Variants in ACBD5 observed in about 807,000 individuals in gnomAD.
ACBD5 encodes acyl-CoA binding domain containing 5, also known as acyl-CoA-binding domain-containing protein 5.
ACBD5 carries 40 observed loss-of-function variants against 71.8 expected under a neutral mutation model. The observed-to-expected ratio is 0.56, with a 90% CI of 0.43 to 0.72. The LOEUF (loss-of-function observed/expected upper bound fraction) is 0.72, where lower values mean the gene tolerates loss of function less well. ACBD5 is among the 30% of genes least tolerant of loss of function. The pLI, the probability that ACBD5 is intolerant of heterozygous loss-of-function variation, is 0.00. For synonymous variants in ACBD5, 229 were observed against 218.6 expected (o/e 1.05, Z -0.42); for missense variants, 559 against 644.5 (o/e 0.87, Z 1.44).
intron 11 of ACBD5, 74 bp downstream of exon 11, chr10:27,205,124 A>G (rs1394545953): frequency 4.1e-6 from 6 of 1,467,692 alleles, no homozygotes; most frequent in Non-Finnish European, 5.6e-6. Context: ...GAGACTCCGT[A>G]TCAAACAAAA....
chr10:27,193,093 CCTCT>C (rs1026138204), downstream of ACBD5, among the ~76,000 whole-genome samples: 24 of 133,160 alleles, frequency 1.8e-4, no homozygotes, highest in Middle Eastern at 3.6e-3. Flanking sequence ...TCCCTCCCTT[CCTCT>C]CTCTCTTTCC....
chr10:27,199,043 A>T (rs2136542673), intron 12 of ACBD5, among the ~76,000 whole-genome samples: 1 of 151,858 alleles, frequency 6.6e-6, no homozygotes, highest in African/African-American at 2.4e-5. Context: ...TGGGAGGCGG[A>T]GGTTGCAGTG....
rs2065404088 is a variant in ACBD5, at chr10:27,240,778, C to T, written c.-90G>A. 2 of 1,536,920 alleles carry T rather than the reference C, an allele frequency of 1.3e-6. No individual in the cohort carries two copies. Among genetic ancestry groups the T allele is most frequent in the East Asian group, 2.4e-5 (1 of 40,828 alleles). On this transcript the variant is annotated 5_prime_UTR_variant, in exon 1 of 13. The change abolishes an upstream ATG in the 5' untranslated region. Transcript: ENST00000396271. The surrounding 1 kb of genome is among the most constrained non-coding windows in gnomAD (Gnocchi z 4.1). ...ACCCTGGCGGAGCAGCCACACCCCCCATTCCGCCGGAGTCCGTCTGTCAGT... is the reference window on the plus strand; with the variant it reads ...ACCCTGGCGGAGCAGCCACACCCCCTATTCCGCCGGAGTCCGTCTGTCAGT...
rs1265324929 is a variant in ACBD5, at chr10:27,208,393, A to G, written c.1257T>C (p.Ser419=). The G allele has an allele frequency of 6.2e-7, 1 of 1,613,866 alleles. No individual in the cohort carries two copies. Among genetic ancestry groups the G allele is most frequent in the Non-Finnish European group, 8.5e-7 (1 of 1,180,002 alleles). ...AGCCCCAGCGCTCCCCATCACCTCC[A>G]CTTCCCACCTGCCGGCCCTTGGTTC... ...SEGTKGRQVG[S]GGDGERWGSD... The change falls in exon 10 of 13, where the codon AGT becomes AGC. Residue 419 remains serine (S), a synonymous_variant. Transcript: ENST00000396271.
At chr10:27,239,533 A>C (rs1202054973) in intron 2 of ACBD5, among the ~76,000 whole-genome samples, 1 of 152,222 alleles carries the variant, frequency 6.6e-6, no homozygotes, top group African/African-American at 2.4e-5. Flanking sequence ...GCTGCAAAGA[A>C]GGTCCAATAT....
chr10:27,205,297 A>G (rs1166854419), intron 10 of ACBD5, 49 bp from the exon 11 acceptor site: 1 of 1,558,890 alleles, frequency 6.4e-7, no homozygotes, highest in Admixed American at 1.7e-5. Context: ...TGAAAAACAC[A>G]GTAATTATTC....
intron 12 of ACBD5, 47 bp from the exon 13 acceptor site, chr10:27,197,489 A>G (rs768011720): frequency 7.2e-7 from 1 of 1,391,632 alleles, no homozygotes; most frequent in Admixed American, 1.8e-5. Flanking sequence ...ATGAATGCAA[A>G]TAATTCTCTG....
At chr10:27,201,608 G>A (rs1056357035) in intron 12 of ACBD5, among the ~76,000 whole-genome samples, 12 of 152,296 alleles carry the variant, frequency 7.9e-5, no homozygotes, top group African/African-American at 2.6e-4. Flanking sequence ...TTCAAGACCA[G>A]TCTGGTCAAC....
At chr10:27,201,319 C>T (rs572846552) in intron 12 of ACBD5, among the ~76,000 whole-genome samples, 2 of 152,238 alleles carry the variant, frequency 1.3e-5, no homozygotes, top group East Asian at 3.9e-4. Flanking sequence ...TGTTCAGGGC[C>T]TATTTCTGAA....
intron 7 of ACBD5, among the ~76,000 whole-genome samples, chr10:27,217,578 G>A (rs1342994897): frequency 1.3e-5 from 2 of 152,116 alleles, no homozygotes. Context: ...ACTTTGGGAG[G>A]CCAAGGCAGG....
At chr10:27,186,023 C>T (rs915830613) in intron 13 of ACBD5, among the ~76,000 whole-genome samples, 11 of 151,902 alleles carry the variant, frequency 7.2e-5, no homozygotes, top group Admixed American at 7.2e-4. Flanking sequence ...CGGGAGGCGG[C>T]GGTTGCAGTG....
chr10:27,183,588 T>C (rs1259380517), intron 13 of ACBD5, among the ~76,000 whole-genome samples: 1 of 152,148 alleles, frequency 6.6e-6, no homozygotes, highest in Non-Finnish European at 1.5e-5. Flanking sequence ...GGTATGGTAA[T>C]ATAGAGAAAA....
intron 4 of ACBD5, among the ~76,000 whole-genome samples, chr10:27,226,448 C>A (rs2063027331): frequency 1.1e-5 from 1 of 90,794 alleles, no homozygotes; most frequent in East Asian, 2.9e-4. Context: ...GAGATACAGA[C>A]TACACACACA....
upstream of ACBD5, chr10:27,242,052 C>A (rs1445478538): frequency 2.4e-5 from 11 of 453,686 alleles, no homozygotes; most frequent in Non-Finnish European, 4.9e-5. Context: ...GCGGCGCCGG[C>A]ATTTACCTTG....
chr10:27,195,869 T>C lies in ACBD5; in HGVS notation c.*1561A>G. On this transcript the variant is annotated 3_prime_UTR_variant, in exon 13 of 13. Coordinates refer to ENST00000396271, the MANE Select transcript of ACBD5 (RefSeq NM_145698.5). ...TATTTAAAACACTGTGAACATATGA[T>C]GTTAAACCCAACATCATACATCTTG... The C allele has an allele frequency of 2.2e-6, 1 of 453,308 alleles. No individual in the cohort carries two copies. Among genetic ancestry groups the C allele is most frequent in the South Asian group, 1.6e-5 (1 of 64,276 alleles). The allele number at this position is 453,308 out of a possible 1,614,324, so 28.1% of individuals were successfully genotyped here. A position where few individuals can be genotyped will look rare whatever the true frequency, so the allele number is the denominator to read the frequency against.
chr10:27,227,513 T>C (rs1334779781), intron 4 of ACBD5, among the ~76,000 whole-genome samples: 1 of 152,110 alleles, frequency 6.6e-6, no homozygotes, highest in Non-Finnish European at 1.5e-5. Flanking sequence ...CTTCTGAGTA[T>C]GCTGATCACT....
chr10:27,237,157 A>G (rs2064819163), intron 2 of ACBD5, among the ~76,000 whole-genome samples: 1 of 152,142 alleles, frequency 6.6e-6, no homozygotes, highest in East Asian at 1.9e-4. Context: ...TCAAAAGTCT[A>G]ATCTCAAAAT....
At chr10:27,240,940 AGAG>A, upstream of ACBD5, 1 of 595,818 alleles carries the variant, frequency 1.7e-6, no homozygotes, top group Middle Eastern at 4.5e-4. This position sits in a 1 kb window ranked among gnomAD's most constrained non-coding sequence, Gnocchi z 4.1. Flanking sequence ...GTCTGTCCCC[AGAG>A]GAGGGTCCGG....
chr10:27,185,906 A>G (rs576483949), intron 13 of ACBD5, among the ~76,000 whole-genome samples: 1 of 151,992 alleles, frequency 6.6e-6, no homozygotes, highest in South Asian at 2.1e-4. Flanking sequence ...CCTGCCCAAC[A>G]TGGCGAAACC....
Sources: gnomAD v4.1 joint callset for allele counts (sites outside exome capture counted in the v4.1 genomes callset) on GRCh38, gnomAD v4.1.1 for gene constraint, Gnocchi (gnomAD v3.1) non-coding constraint, MANE v1.5 for transcripts, NCBI Gene and HGNC (gene_info 2026-07-23, HGNC 2026-07-21) for gene names.